The following TMEM8B variants were observed in gnomAD, a reference collection of about 807,000 sequenced individuals.
TMEM8B encodes transmembrane protein 8B.
Under a neutral mutation model 49.3 loss-of-function variants are expected in TMEM8B, and 29 were observed. The ratio of observed to expected loss-of-function variants is 0.59; its 90% confidence interval spans 0.44 to 0.80. TMEM8B has a LOEUF of 0.80. TMEM8B is among the 30% of genes least tolerant of loss of function. The probability of loss-of-function intolerance (pLI) is 0.00; values close to 1 mark genes in which losing one functional copy is unlikely to be tolerated. For synonymous variants in TMEM8B, 264 were observed against 272.8 expected, an observed-to-expected ratio of 0.97 and a Z score of 0.32; for missense variants, 575 against 658.5, an observed-to-expected ratio of 0.87 and a Z score of 1.39.
intron 10 of TMEM8B, among the ~76,000 whole-genome samples, chr9:35,849,600 C>A (rs886617217): frequency 1.3e-5 from 2 of 152,136 alleles, no homozygotes; most frequent in African/African-American, 2.4e-5. Context: ...TCTGGGTGAG[C>A]CTGACTCCAG....
rs188916847 is a variant in TMEM8B at position 35,853,583 on chromosome 9, C to T, written c.2518C>T (p.Leu840Phe). ...RWLFYLCPGS[L>F]IAGSAVLLYA... ...GCTTTTCTACTTGTGCCCTGGCAGC[C>T]TTATTGCAGGCAGTGCCGTCCTGCT... Residue 840 changes from leucine to phenylalanine, a missense_variant, in exon 13 of 13, where the codon CTT (leucine) becomes TTT (phenylalanine). Leu to Phe is a conservative substitution (Grantham distance 22). Transcript: ENST00000643932. This position sits in a 1 kb window ranked among gnomAD's most constrained non-coding sequence, Gnocchi z 4.2. 1,147 of 1,614,226 alleles carry T rather than the reference C, an allele frequency of 7.1e-4. 13 individuals are homozygous for T. The East Asian group carries it at 0.024, about 34-fold the overall frequency.
At chr9:35,839,205 A>G (rs1830729761) in intron 3 of TMEM8B, among the ~76,000 whole-genome samples, 1 of 152,254 alleles carries the variant, frequency 6.6e-6, no homozygotes, top group Admixed American at 6.5e-5. Context: ...ATACGAGGAC[A>G]TTGTAGGAAT....
In TMEM8B at chr9:35,853,385, C is replaced by G. The variant is rs1359102079; in HGVS notation, c.2440-120C>G. On this transcript the variant is annotated intron_variant, in intron 12 of 12. Transcript: ENST00000643932. The surrounding 1 kb of genome is among the most constrained non-coding windows in gnomAD (Gnocchi z 4.2). ...TCACCTGCTGCTGGCAGTGTCCGCT[C>G]CAGTCTTGGCAGGTGTCTTTAGGTC... The G allele has an allele frequency of 3.4e-6, 5 of 1,466,424 alleles. No individual in the cohort carries two copies. Among genetic ancestry groups the G allele is most frequent in the Non-Finnish European group, 4.6e-6 (5 of 1,077,760 alleles). The allele number at this position is 1,466,424 out of a possible 1,614,324, so 90.8% of individuals were successfully genotyped here.
At chr9:35,848,337 T>C (rs1338144729) in intron 10 of TMEM8B, among the ~76,000 whole-genome samples, 3 of 152,228 alleles carry the variant, frequency 2.0e-5, no homozygotes, top group African/African-American at 7.2e-5. Context: ...CTCTTTCGTA[T>C]TGCCAGATGC....
Position 35,855,941 on chromosome 9 carries a change from GTATAGAGCCAGGTCAC to G in TMEM8B, c.*2103_*2118del, listed in dbSNP as rs1261573326. The G allele has an allele frequency of 6.6e-6, 1 of 152,162 alleles. No individual in the cohort carries two copies. The highest frequency in any genetic ancestry group is 2.4e-5 in the African/African-American group (1 of 41,420). The allele number at this position is 152,162 out of a possible 1,614,324, so 9.4% of individuals were successfully genotyped here. ...TACATCAGAAATACCACATTAAGAC[GTATAGAGCCAGGTCAC>G]TGGGATGCTTGAACCCAAATAGCTG... is the stretch of plus-strand genomic sequence containing the variant. On this transcript the variant is annotated 3_prime_UTR_variant, in exon 13 of 13. Transcript: ENST00000643932.
intron 3 of TMEM8B, among the ~76,000 whole-genome samples, chr9:35,838,319 ACT>A (rs1319694262): frequency 3.3e-5 from 5 of 151,102 alleles, no homozygotes; most frequent in Non-Finnish European, 7.4e-5. Flanking sequence ...CCCCTATATT[ACT>A]CTTTTCTTTT....
chr9:35,846,022 C>T lies in TMEM8B; in HGVS notation c.1683C>T (p.His561=), dbSNP rs1011594625. Residue 561 remains histidine (H), a synonymous_variant, in exon 7 of 13, where the codon CAC becomes CAT. Coordinates refer to ENST00000643932, the MANE Select transcript of TMEM8B (RefSeq NM_001042590.4). Reference sequence around the variant, plus strand: ...TGACGGTGTTTGGATGCTTGACTCACGAGGTGCCCTTGAGCCTGGGGGATG... The same window carrying T: ...TGACGGTGTTTGGATGCTTGACTCATGAGGTGCCCTTGAGCCTGGGGGATG... ...ENVTVFGCLT[H]EVPLSLGDAA... 2 of 1,613,358 alleles carry T rather than the reference C, an allele frequency of 1.2e-6. No individual in the cohort carries two copies. Among genetic ancestry groups the T allele is most frequent in the Non-Finnish European group, 1.7e-6 (2 of 1,179,964 alleles).
At position 35,853,619 on chromosome 9, in the gene TMEM8B, G is replaced by C. The variant is rs376382927; in HGVS notation, c.2554G>C (p.Val852Leu). ...AGSAVLLYAFVETRDNYFYIH... is the reference protein window; with the variant it reads ...AGSAVLLYAFLETRDNYFYIH... ...CAGTGCCGTCCTGCTTTATGCTTTTGTGGAGACCCGGGACAACTACTTCTA... is the reference window on the plus strand; with the variant it reads ...CAGTGCCGTCCTGCTTTATGCTTTTCTGGAGACCCGGGACAACTACTTCTA... The change falls in exon 13 of 13, where the codon GTG becomes CTG. Residue 852 changes from valine to leucine, a missense_variant. Val to Leu is a conservative substitution (Grantham distance 32). Coordinates refer to ENST00000643932, the MANE Select transcript of TMEM8B (RefSeq NM_001042590.4). The surrounding 1 kb of genome is among the most constrained non-coding windows in gnomAD (Gnocchi z 4.2). 13 of 1,614,260 alleles carry C rather than the reference G, an allele frequency of 8.1e-6. No homozygotes were observed. In the African/African-American group the frequency reaches 9.3e-5, roughly 12 times the overall value.
At chr9:35,838,323 T>C (rs1010196710) in intron 3 of TMEM8B, among the ~76,000 whole-genome samples, 2 of 152,128 alleles carry the variant, frequency 1.3e-5, no homozygotes, top group Admixed American at 6.5e-5. Flanking sequence ...TATATTACTC[T>C]TTTCTTTTTG....
In TMEM8B at chr9:35,841,469, C is replaced by A; in HGVS notation, c.1041-57C>A. The A allele has an allele frequency of 2.4e-6, 1 of 414,452 alleles. No individual in the cohort carries two copies. The highest frequency in any genetic ancestry group is 4.4e-6 in the Non-Finnish European group (1 of 227,408). The allele number at this position is 414,452 out of a possible 1,614,324, so 25.7% of individuals were successfully genotyped here. Reference sequence around the variant, plus strand: ...CCTCCTTCCTAGTGCTTCCCTTGCCCTGTGTTCCTCTCGCCTCTGTTTGTG... The same window carrying A: ...CCTCCTTCCTAGTGCTTCCCTTGCCATGTGTTCCTCTCGCCTCTGTTTGTG... On this transcript the variant is annotated intron_variant, in intron 4 of 12. Coordinates refer to ENST00000643932, the MANE Select transcript of TMEM8B (RefSeq NM_001042590.4). This position sits in a 1 kb window ranked among gnomAD's most constrained non-coding sequence, Gnocchi z 5.9.
chr9:35,853,742 G>T lies in TMEM8B; in HGVS notation c.2677G>T (p.Ala893Ser), dbSNP rs754287822. 8.1e-6 allele frequency: 13 copies of T among 1,613,004 alleles called. No homozygotes were observed. The Admixed American group carries it at 1.8e-4, about 23-fold the overall frequency. The change falls in exon 13 of 13, where the codon GCC (alanine) becomes TCC (serine). Residue 893 changes from alanine to serine, a missense_variant. By Grantham distance (99) the Ala-to-Ser change is moderately conservative. Transcript: ENST00000643932. The surrounding 1 kb of genome is among the most constrained non-coding windows in gnomAD (Gnocchi z 4.2). ...TDHGVPSGAR[A>S]RGCGYQLCIN... ...CCACGGGGTCCCATCTGGAGCCCGG[G>T]CCCGGGGCTGTGGTTACCAGCTATG...
intron 10 of TMEM8B, among the ~76,000 whole-genome samples, chr9:35,847,951 C>T (rs952000074): frequency 2.6e-5 from 4 of 152,196 alleles, no homozygotes; most frequent in Non-Finnish European, 2.9e-5. Context: ...CTCTTGGCAC[C>T]ATGTGACATG....
At position 35,862,189 on chromosome 9, in the gene TMEM8B, GC is replaced by G. The variant is rs1250602501; in HGVS notation, c.*8352del. ...TACAGCAGAGACAGACCTGGCTCCT[GC>G]CCTCATGGAGTTTGCAGTCATTCAT... On this transcript the variant is annotated 3_prime_UTR_variant, in exon 13 of 13. Coordinates refer to ENST00000643932, the MANE Select transcript of TMEM8B (RefSeq NM_001042590.4). 1.3e-5 allele frequency: 2 copies of G among 152,244 alleles called. No homozygotes were observed. Among genetic ancestry groups the G allele is most frequent in the African/African-American group, 4.8e-5 (2 of 41,464 alleles). 9.4% of individuals were successfully genotyped at this position (152,244 alleles called of 1,614,324 possible). A position where few individuals can be genotyped will look rare whatever the true frequency, so the allele number is the denominator to read the frequency against.
In TMEM8B at chr9:35,852,956, C is replaced by G. The variant is rs1216073455; in HGVS notation, c.2305C>G (p.Gln769Glu). ...WVTVIAMARLQPVVKQVLYLL... is the reference protein window; with the variant it reads ...WVTVIAMARLEPVVKQVLYLL... Reference sequence around the variant, plus strand: ...CACTGTCATTGCCATGGCTCGTTTACAGCCCGTGGTCAAGCAGGTCAGTCC... The same window carrying G: ...CACTGTCATTGCCATGGCTCGTTTAGAGCCCGTGGTCAAGCAGGTCAGTCC... The change falls in exon 11 of 13, where the codon CAG becomes GAG. Residue 769 changes from glutamine to glutamate, a missense_variant. Transcript: ENST00000643932. 2 of 1,614,174 alleles carry G rather than the reference C, an allele frequency of 1.2e-6. No homozygotes were observed. Among genetic ancestry groups the G allele is most frequent in the Non-Finnish European group, 1.7e-6 (2 of 1,180,034 alleles).
intron 3 of TMEM8B, chr9:35,835,423 G>A (rs529925696): frequency 5.8e-4 from 228 of 391,494 alleles, no homozygotes; most frequent in Non-Finnish European, 7.0e-4. Flanking sequence ...GCAGCCCCAG[G>A]AGGACATGCT....
At position 35,853,159 on chromosome 9, in the gene TMEM8B, G is replaced by A. The variant is rs1255486272; in HGVS notation, c.2341G>A (p.Ala781Thr). The A allele has an allele frequency of 6.2e-7, 1 of 1,614,130 alleles. No homozygotes were observed. The highest frequency in any genetic ancestry group is 8.5e-7 in the Non-Finnish European group (1 of 1,179,954). ...VVKQVLYLLG[A>T]MLLSMALQLD... ...TCTCTAGGTGCTGTATTTGCTGGGA[G>A]CTATGCTGCTGTCCATGGCTCTGCA... Residue 781 changes from alanine (A) to threonine (T), a missense_variant, in exon 12 of 13, where the codon GCT (alanine) becomes ACT (threonine). Ala to Thr is a moderately conservative substitution (Grantham distance 58). Coordinates refer to ENST00000643932, the MANE Select transcript of TMEM8B (RefSeq NM_001042590.4). The surrounding 1 kb of genome is among the most constrained non-coding windows in gnomAD (Gnocchi z 4.2).
At chr9:35,833,440 C>T in intron 1 of TMEM8B, 2 of 861,484 alleles carry the variant, frequency 2.3e-6, no homozygotes, top group Non-Finnish European at 2.8e-6. Context: ...TTGGGACCCT[C>T]TTCCCCTGTC....
At position 35,863,443 on chromosome 9, in the gene TMEM8B, T is replaced by C. The variant is rs1391766733; in HGVS notation, c.*9603T>C. On this transcript the variant is annotated 3_prime_UTR_variant, in exon 13 of 13. Transcript: ENST00000643932. ...GCTTGTGGCCCTAAAGAAATAACTC[T>C]GTGTCCAGAAAATGCCATGTTACCA... is the stretch of plus-strand genomic sequence containing the variant. 1 of 152,202 alleles carries C rather than the reference T, an allele frequency of 6.6e-6. No individual in the cohort carries two copies. Among genetic ancestry groups the C allele is most frequent in the East Asian group, 1.9e-4 (1 of 5,202 alleles). 9.4% of individuals were successfully genotyped at this position (152,202 alleles called of 1,614,324 possible).
In TMEM8B at chr9:35,846,920, A is replaced by G. The variant is rs151039997; in HGVS notation, c.2100A>G (p.Pro700=). 1.2e-6 allele frequency: 2 copies of G among 1,614,072 alleles called. No individual in the cohort carries two copies. Among genetic ancestry groups the G allele is most frequent in the African/African-American group, 2.7e-5 (2 of 74,918 alleles). The change falls in exon 10 of 13, where the codon CCA becomes CCG. Residue 700 remains proline, a synonymous_variant. Coordinates refer to ENST00000643932, the MANE Select transcript of TMEM8B (RefSeq NM_001042590.4). ...GCCTGAGCAACCTCATGTTTCTGCC[A>G]CCTGTGGTCCTGGCCATTCGGAGTC... ...LLCLSNLMFL[P]PVVLAIRSRY... is the part of the protein sequence containing the mutation.
Sources: gnomAD v4.1 joint callset for allele counts (sites outside exome capture counted in the v4.1 genomes callset) on GRCh38, gnomAD v4.1.1 for gene constraint, Gnocchi (gnomAD v3.1) non-coding constraint, MANE v1.5 for transcripts, NCBI Gene and HGNC (gene_info 2026-07-23, HGNC 2026-07-21) for gene names.